CEP192: variants seen among roughly 807,000 people sequenced by gnomAD.
The protein encoded by CEP192 is centrosomal protein 192.
In CEP192, 151 loss-of-function variants were observed where a neutral mutation model predicts 271.8. That is an observed-to-expected ratio of 0.56 (90% CI 0.49 to 0.64). CEP192 has a LOEUF of 0.64. Ranked by LOEUF, CEP192 falls within the 30% of genes least tolerant of loss-of-function variation. The pLI is 0.00. For missense variants in CEP192, 2,910 were observed against 3,020.5 expected (o/e 0.96, Z 0.86); for synonymous variants, 995 against 1,076.5 (o/e 0.92, Z 1.48).
chr18:13,043,930 A>G (rs963000760), intron 15 of CEP192, among the ~76,000 whole-genome samples: 7 of 152,154 alleles, frequency 4.6e-5, no homozygotes, highest in African/African-American at 1.4e-4. Flanking sequence ...TGGTACAGGC[A>G]TGCAATGTGT....
chr18:13,078,791 C>G (rs1770929256), intron 30 of CEP192, among the ~76,000 whole-genome samples: 1 of 152,130 alleles, frequency 6.6e-6, no homozygotes. Flanking sequence ...CCCTGCCCCC[C>G]ATCCCACAAC....
intron 4 of CEP192, among the ~76,000 whole-genome samples, chr18:13,009,354 G>A (rs1275152531): frequency 6.6e-6 from 1 of 152,124 alleles, no homozygotes; most frequent in Non-Finnish European, 1.5e-5. Context: ...TTCAAGACAA[G>A]CCTATTTTTA....
intron 40 of CEP192, among the ~76,000 whole-genome samples, chr18:13,112,242 TAAAC>T (rs1345803163): frequency 6.6e-6 from 1 of 152,242 alleles, no homozygotes; most frequent in Non-Finnish European, 1.5e-5. Flanking sequence ...GATGGGTCGA[TAAAC>T]AAAATCTGGT....
Position 13,087,532 on chromosome 18 carries a change from A to G in CEP192, c.5879A>G (p.Asn1960Ser), listed in dbSNP as rs200863899. The G allele has an allele frequency of 4.4e-6, 6 of 1,373,936 alleles. No homozygotes were observed. The highest frequency in any genetic ancestry group is 5.0e-6 in the Non-Finnish European group (5 of 993,166). 85.1% of individuals were successfully genotyped at this position (1,373,936 alleles called of 1,614,324 possible). A position where few individuals can be genotyped will look rare whatever the true frequency, so the allele number is the denominator to read the frequency against. The change falls in exon 32 of 45, where the codon AAT (asparagine) becomes AGT (serine). Residue 1960 changes from asparagine (N) to serine (S), a missense_variant and splice_region_variant. Asn to Ser is a conservative substitution (Grantham distance 46, BLOSUM62 1). Coordinates refer to ENST00000506447, the MANE Select transcript of CEP192 (RefSeq NM_032142.4). ...KFVLKERTQE[N>S]VTLIYNPSDR... ...CTGATTTTTTTTTCTTGGCATCAGA[A>G]TGTTACTTTAATATATAATCCATCA... is the stretch of plus-strand genomic sequence containing the variant.
chr18:13,117,543 T>G, intron 43 of CEP192, 42 bp from the exon 44 acceptor site: 1 of 1,413,968 alleles, frequency 7.1e-7, no homozygotes, highest in East Asian at 2.3e-5. Flanking sequence ...CTAAAAGATC[T>G]AATTTTCATA....
intron 9 of CEP192, among the ~76,000 whole-genome samples, chr18:13,021,754 T>G (rs2035008805): frequency 6.6e-6 from 1 of 152,214 alleles, no homozygotes; most frequent in Non-Finnish European, 1.5e-5. Flanking sequence ...AGGATGTGTG[T>G]CCGTTTAGGT....
At chr18:13,105,683 T>A (rs2039915414) in intron 40 of CEP192, among the ~76,000 whole-genome samples, 1 of 152,230 alleles carries the variant, frequency 6.6e-6, no homozygotes, top group Admixed American at 6.5e-5. Context: ...GTAGCAGTTG[T>A]TGCAAACTGT....
At chr18:13,034,848 CTCT>C (rs2035832425) in intron 11 of CEP192, among the ~76,000 whole-genome samples, 8 of 151,568 alleles carry the variant, frequency 5.3e-5, no homozygotes, top group Admixed American at 5.3e-4. Flanking sequence ...AGCCTGCCTC[CTCT>C]TCTTCCCCAT....
intron 31 of CEP192, 116 bp downstream of exon 31, chr18:13,087,393 A>G (rs2038946121): frequency 9.4e-7 from 1 of 1,067,028 alleles, no homozygotes. Context: ...GAATAGAAGT[A>G]CTTATGTGAT....
chr18:13,082,016 T>A (rs1206739777), intron 30 of CEP192, among the ~76,000 whole-genome samples: 2 of 152,240 alleles, frequency 1.3e-5, no homozygotes, highest in Non-Finnish European at 2.9e-5. Flanking sequence ...AGGAGTGTTT[T>A]ACTTCCAACT....
intron 44 of CEP192, among the ~76,000 whole-genome samples, chr18:13,123,715 A>C (rs1007505680): frequency 6.6e-6 from 1 of 152,200 alleles, no homozygotes; most frequent in Non-Finnish European, 1.5e-5. Flanking sequence ...TAACTTGTTA[A>C]ATTGCATATT....
At chr18:13,087,497 A>G (rs1308748851) in intron 31 of CEP192, 34 bp from the exon 32 acceptor site, 1 of 1,125,966 alleles carries the variant, frequency 8.9e-7, no homozygotes, top group Non-Finnish European at 1.3e-6. Flanking sequence ...AAAATATTTA[A>G]TATTTACTCC....
At chr18:13,065,764 G>A (rs895215868) in intron 21 of CEP192, among the ~76,000 whole-genome samples, 9 of 152,140 alleles carry the variant, frequency 5.9e-5, no homozygotes, top group African/African-American at 2.2e-4. Flanking sequence ...ATTAACTGGG[G>A]CAAATAGGAC....
At chr18:13,114,313 G>A in intron 42 of CEP192, 62 bp downstream of exon 42, 1 of 1,544,630 alleles carries the variant, frequency 6.5e-7, no homozygotes, top group Non-Finnish European at 8.8e-7. Flanking sequence ...AATAGAGTCA[G>A]TAAAATGCTC....
Position 13,095,516 on chromosome 18 carries a change from T to A in CEP192, c.6268T>A (p.Ser2090Thr), listed in dbSNP as rs772303332. 6.2e-7 allele frequency: 1 copy of A among 1,609,134 alleles called. No individual in the cohort carries two copies. The highest frequency in any genetic ancestry group is 8.5e-7 in the Non-Finnish European group (1 of 1,178,298). The change falls in exon 35 of 45, where the codon TCT becomes ACT. Residue 2090 changes from serine to threonine, a missense_variant. Physicochemically the swap from Ser to Thr is moderately conservative, Grantham distance 58. Coordinates refer to ENST00000506447, the MANE Select transcript of CEP192 (RefSeq NM_032142.4). ...SLESTSDLGA[S>T]GKHGGNVSLD... is the part of the protein sequence containing the mutation. ...ATAATTTTTTAGCGACTTGGGAGCT[T>A]CTGGGAAACATGGTGGCAACGTCTC...
chr18:13,116,352 A>G (rs2040428215), intron 42 of CEP192, 25 bp from the exon 43 acceptor site: 1 of 1,603,382 alleles, frequency 6.2e-7, no homozygotes, highest in Non-Finnish European at 8.5e-7. Context: ...CAGATTCTTA[A>G]CTTTTACACC....
At chr18:13,021,075 A>G (rs1266567846) in intron 9 of CEP192, among the ~76,000 whole-genome samples, 1 of 152,156 alleles carries the variant, frequency 6.6e-6, no homozygotes, top group African/African-American at 2.4e-5. Context: ...ATTATGATGT[A>G]GTGTGATCTA....
intron 1 of CEP192, among the ~76,000 whole-genome samples, chr18:12,992,509 GA>G (rs1306258379): frequency 2.0e-5 from 3 of 152,040 alleles, no homozygotes; most frequent in African/African-American, 7.2e-5. Context: ...GAAATAGCAA[GA>G]GAAATTGCAA....
Position 13,059,305 on chromosome 18 carries a change from T to G in CEP192, c.4481T>G (p.Val1494Gly). 6.2e-7 allele frequency: 1 copy of G among 1,611,822 alleles called. No individual in the cohort carries two copies. Among genetic ancestry groups the G allele is most frequent in the Non-Finnish European group, 8.5e-7 (1 of 1,177,870 alleles). The change falls in exon 21 of 45, where the codon GTT becomes GGT. Residue 1494 changes from valine to glycine, a missense_variant. Physicochemically the swap from Val to Gly is moderately radical, Grantham distance 109. Transcript: ENST00000506447. ...CTCACTGCCATTGCCGAGAGTCCTG[T>G]TATTGAGGTACCTGTTTGAAAATGA... ...VTLTAIAESP[V>G]IEVETEKKDV...
Sources: gnomAD v4.1 joint callset for allele counts (sites outside exome capture counted in the v4.1 genomes callset) on GRCh38, gnomAD v4.1.1 for gene constraint, MANE v1.5 for transcripts, NCBI Gene and HGNC (gene_info 2026-07-23, HGNC 2026-07-21) for gene names.